The following SIN3A variants were observed in gnomAD, a reference collection of about 807,000 sequenced individuals.
SIN3A encodes the protein paired amphipathic helix protein Sin3a.
In SIN3A, 14 loss-of-function variants were observed where a neutral mutation model predicts 146.1. That is an observed-to-expected ratio of 0.10 (90% CI 0.06 to 0.15). The LOEUF is 0.15. SIN3A is among the 10% of genes least tolerant of loss of function. The pLI is 1.00. For missense variants in SIN3A, 1,028 were observed against 1,576.0 expected, an observed-to-expected ratio of 0.65 and a Z score of 5.89; for synonymous variants, 572 against 572.0, an observed-to-expected ratio of 1.00 and a Z score of 0.00.
Position 75,428,902 on chromosome 15 carries a change from A to G in SIN3A, c.189+1285T>C, listed in dbSNP as rs556581803. ...TTCTCCCTCCTCCTCAGCCTCCTCAATGTGAAGACAAGGATGAAGACCTTT... is the reference window on the plus strand; with the variant it reads ...TTCTCCCTCCTCCTCAGCCTCCTCAGTGTGAAGACAAGGATGAAGACCTTT... On this transcript the variant is annotated intron_variant, in intron 2 of 20. Coordinates refer to ENST00000394947, the MANE Select transcript of SIN3A (RefSeq NM_001145358.2). Among the ~76,000 whole-genome samples the G allele has an allele frequency of 2.0e-5, 3 of 152,258 alleles. No homozygotes were observed. The East Asian group carries it at 5.8e-4, about 29-fold the overall frequency.
intron 14 of SIN3A, 22 bp from the exon 15 acceptor site, chr15:75,392,837 AG>A: frequency 6.5e-7 from 1 of 1,542,346 alleles, no homozygotes; most frequent in Non-Finnish European, 8.8e-7. Context: ...GAGACACAAA[AG>A]TATTCTGTGA....
rs2073859219 is a variant in SIN3A, at chr15:75,422,691, G to A, written c.322C>T (p.Pro108Ser). 6.2e-7 allele frequency: 1 copy of A among 1,614,084 alleles called. No individual in the cohort carries two copies. Among genetic ancestry groups the A allele is most frequent in the African/African-American group, 1.3e-5 (1 of 74,940 alleles). ...TGCTGTCCCTGCACTGGTGCAACTG[G>A]TGGGGCTGGATGAGCATGACTCTGG... ...VVQSHAHPAP[P>S]VAPVQGQQQF... The change falls in exon 3 of 21, where the codon CCA becomes TCA. Residue 108 changes from proline (P) to serine (S), a missense_variant. By Grantham distance (74) the Pro-to-Ser change is moderately conservative. Around this residue, in one of 9 missense-constraint regions of SIN3A, gnomAD observed 152 missense variants for 231.5 expected, o/e 0.66. Coordinates refer to ENST00000394947, the MANE Select transcript of SIN3A (RefSeq NM_001145358.2).
At chr15:75,375,145 G>A (rs557682288) in intron 20 of SIN3A, among the ~76,000 whole-genome samples, 6 of 152,230 alleles carry the variant, frequency 3.9e-5, no homozygotes, top group Admixed American at 2.6e-4. Flanking sequence ...TATGTTGGCC[G>A]GGCATGGTGG....
chr15:75,427,407 C>T (rs932731695), intron 2 of SIN3A, among the ~76,000 whole-genome samples: 8 of 152,060 alleles, frequency 5.3e-5, no homozygotes, highest in South Asian at 4.1e-4. Flanking sequence ...CAGTGGCTCA[C>T]GCCTGTAATC....
chr15:75,381,468 T>C (rs1288497054), intron 18 of SIN3A, 145 bp downstream of exon 18: 1 of 631,002 alleles, frequency 1.6e-6, no homozygotes, highest in Non-Finnish European at 2.8e-6. Context: ...CATGGCTGGA[T>C]TGACTTGTAC....
intron 3 of SIN3A, chr15:75,415,980 A>C (rs1440486930): frequency 2.9e-6 from 1 of 341,962 alleles, no homozygotes; most frequent in Non-Finnish European, 5.7e-6. Context: ...GCCAAAACAG[A>C]CCAGGCACAG....
At chr15:75,438,112 G>C (rs145691717) in intron 1 of SIN3A, among the ~76,000 whole-genome samples, 3,144 of 152,278 alleles carry the variant, frequency 0.021, 181 homozygotes, top group Admixed American at 0.11. Flanking sequence ...TGTAATCCTA[G>C]CACTGTGGGA....
At chr15:75,446,655 C>G (rs1161119926) in intron 1 of SIN3A, among the ~76,000 whole-genome samples, 1 of 151,802 alleles carries the variant, frequency 6.6e-6, no homozygotes, top group Non-Finnish European at 1.5e-5. Context: ...GCATGCTTGG[C>G]TAATTTTTAA....
rs763344553 is a variant in SIN3A at position 75,410,304 on chromosome 15, A to C, written c.1009-18T>G. 17 of 1,608,470 alleles carry C rather than the reference A, an allele frequency of 1.1e-5. No individual in the cohort carries two copies. In the African/African-American group the frequency reaches 2.1e-4, roughly 20 times the overall value. ...TGCTCTTTCTGAGGAATTGCAAATG[A>C]AAAGAGATCATTTGGGCTACTGTTT... On this transcript the variant is annotated intron_variant, in intron 6 of 20. Coordinates refer to ENST00000394947, the MANE Select transcript of SIN3A (RefSeq NM_001145358.2).
At chr15:75,437,121 G>A (rs538627191) in intron 1 of SIN3A, among the ~76,000 whole-genome samples, 13 of 151,676 alleles carry the variant, frequency 8.6e-5, no homozygotes, top group Non-Finnish European at 1.9e-4. Context: ...ATGTATGACT[G>A]CTATCAGCTG....
intron 12 of SIN3A, among the ~76,000 whole-genome samples, chr15:75,397,574 T>C (rs2073328717): frequency 6.6e-6 from 1 of 152,146 alleles, no homozygotes; most frequent in Non-Finnish European, 1.5e-5. Flanking sequence ...TCAATGTACA[T>C]GTAGAATGAT....
intron 1 of SIN3A, among the ~76,000 whole-genome samples, chr15:75,447,448 T>TA (rs1289827518): frequency 6.6e-5 from 10 of 152,162 alleles, no homozygotes; most frequent in African/African-American, 2.4e-4. Context: ...CTAAACATAT[T>TA]AGTCTATGGT....
intron 3 of SIN3A, among the ~76,000 whole-genome samples, chr15:75,418,438 G>A (rs569683501): frequency 3.4e-4 from 51 of 152,192 alleles, no homozygotes; most frequent in African/African-American, 1.2e-3. Context: ...CGATTCTCGT[G>A]CCTCAGCCTC....
At chr15:75,446,817 G>T (rs1191235712) in intron 1 of SIN3A, among the ~76,000 whole-genome samples, 1 of 151,958 alleles carries the variant, frequency 6.6e-6, no homozygotes, top group African/African-American at 2.4e-5. Flanking sequence ...TGTCGCCCAG[G>T]CTAGAGTGCA....
rs1595920163 is a variant in SIN3A at position 75,430,394 on chromosome 15, G to C, written c.-19C>G. 1.3e-6 allele frequency: 2 copies of C among 1,590,808 alleles called. No homozygotes were observed. Among genetic ancestry groups the C allele is most frequent in the African/African-American group, 2.7e-5 (2 of 74,120 alleles). On this transcript the variant is annotated 5_prime_UTR_variant, in exon 2 of 21. In the 5' UTR this introduces an upstream ATG that the reference lacks. Coordinates refer to ENST00000394947, the MANE Select transcript of SIN3A (RefSeq NM_001145358.2). ...GCTTCATTCTGTGCTCATGCTCAGGGATGCACTACAAAACCTGCAGAAACC... is the reference window on the plus strand; with the variant it reads ...GCTTCATTCTGTGCTCATGCTCAGGCATGCACTACAAAACCTGCAGAAACC...
In SIN3A at chr15:75,407,126, T is replaced by G. The variant is rs1437958126; in HGVS notation, c.1336A>C (p.Asn446His). ...PPVKKKPKLL[N>H]LKDSSMADAS... ...TCTGCCATAGAAGAATCCTTCAGAT[T>G]GAGCAGTTTGGGTTTCTTCTGCAAA... The change falls in exon 9 of 21, where the codon AAT (asparagine) becomes CAT (histidine). Residue 446 changes from asparagine (N) to histidine (H), a missense_variant. Around this residue, in one of 9 missense-constraint regions of SIN3A, gnomAD observed 62 missense variants for 63.5 expected, o/e 0.98. Coordinates refer to ENST00000394947, the MANE Select transcript of SIN3A (RefSeq NM_001145358.2). The G allele has an allele frequency of 6.2e-7, 1 of 1,611,604 alleles. No individual in the cohort carries two copies.
chr15:75,452,360 G>T (rs2074424915), upstream of SIN3A, among the ~76,000 whole-genome samples: 1 of 152,188 alleles, frequency 6.6e-6, no homozygotes, highest in South Asian at 2.1e-4. Flanking sequence ...GATAGGAGGG[G>T]GAGCGGAGCT....
chr15:75,429,191 G>C (rs573661841), intron 2 of SIN3A, among the ~76,000 whole-genome samples: 1 of 152,064 alleles, frequency 6.6e-6, no homozygotes, highest in African/African-American at 2.4e-5. Context: ...AGGCTGGCTG[G>C]GGGAGGATAG....
At chr15:75,385,615 G>A (rs549903969) in intron 16 of SIN3A, among the ~76,000 whole-genome samples, 1 of 152,284 alleles carries the variant, frequency 6.6e-6, no homozygotes, top group Admixed American at 6.5e-5. Flanking sequence ...AAAGCAAAAC[G>A]TTAATTTCAA....
Sources: allele counts gnomAD v4.1 joint callset (sites outside exome capture counted in the v4.1 genomes callset), GRCh38; gene constraint gnomAD v4.1.1; regional missense constraint gnomAD v4.1.1; transcripts MANE v1.5; gene names NCBI Gene and HGNC (gene_info 2026-07-23, HGNC 2026-07-21).